The following RREB1 variants were observed in gnomAD, a reference collection of about 807,000 sequenced individuals.
RREB1 encodes ras-responsive element-binding protein 1.
In RREB1, 27 loss-of-function variants were observed where a neutral mutation model predicts 117.8. The observed-to-expected ratio is 0.23, with a 90% CI of 0.17 to 0.32. The LOEUF (loss-of-function observed/expected upper bound fraction) is 0.32, where lower values mean the gene tolerates loss of function less well. Among genes scored for constraint, RREB1 ranks in the 10% least tolerant of loss-of-function variants. RREB1 has a pLI of 1.00. For missense variants in RREB1, 2,577 were observed against 2,378.2 expected (o/e 1.08, Z -1.74); for synonymous variants, 1,298 against 1,026.7 (o/e 1.26, Z -5.05).
intron 6 of RREB1, among the ~76,000 whole-genome samples, chr6:7,191,010 G>C (rs1765373499): frequency 1.3e-5 from 2 of 152,190 alleles, no homozygotes; most frequent in African/African-American, 4.8e-5. Flanking sequence ...TCCTCCATGA[G>C]ACATCTCTTG....
Position 7,168,757 on chromosome 6 carries a change from A to G in RREB1, c.-284-7898A>G, listed in dbSNP as rs1035184399. On this transcript the variant is annotated intron_variant, in intron 1 of 12. Coordinates refer to ENST00000379938, the MANE Select transcript of RREB1 (RefSeq NM_001003699.4). Reference sequence around the variant, plus strand: ...GTTTTCCCCTTGACTTGGTTTCCCAATCCTCTAGCTTGCTAATGACCCTTC... The same window carrying G: ...GTTTTCCCCTTGACTTGGTTTCCCAGTCCTCTAGCTTGCTAATGACCCTTC... Among the ~76,000 whole-genome samples the G allele has an allele frequency of 2.4e-4, 37 of 152,094 alleles. 1 individual carries two copies. The highest frequency in any genetic ancestry group is 2.5e-4 in the Non-Finnish European group (17 of 68,022).
intron 1 of RREB1, among the ~76,000 whole-genome samples, chr6:7,133,816 A>T (rs1487899978): frequency 1.3e-5 from 2 of 152,216 alleles, no homozygotes; most frequent in Non-Finnish European, 2.9e-5. Context: ...CAAGTCAGAG[A>T]TAAATCATTG....
chr6:7,182,378 C>T (rs1303723813), intron 4 of RREB1, among the ~76,000 whole-genome samples: 1 of 152,180 alleles, frequency 6.6e-6, no homozygotes, highest in Non-Finnish European at 1.5e-5. Flanking sequence ...GGGAACATCA[C>T]TGATTTCTGT....
chr6:7,164,894 C>T (rs770632594), intron 1 of RREB1, among the ~76,000 whole-genome samples: 9 of 152,336 alleles, frequency 5.9e-5, no homozygotes, highest in South Asian at 2.1e-4. Flanking sequence ...GGTTAAAGGA[C>T]GCTATTAAAT....
Position 7,211,517 on chromosome 6 carries a change from C to T in RREB1, c.571-56C>T, listed in dbSNP as rs140841319. On this transcript the variant is annotated intron_variant, in intron 7 of 12. Transcript: ENST00000379938. ...CTGAATTTAGCATTGGCCTCTCTTCCGAAGCCATCCCATGTGGGAGACCTT... is the reference window on the plus strand; with the variant it reads ...CTGAATTTAGCATTGGCCTCTCTTCTGAAGCCATCCCATGTGGGAGACCTT... 576 of 1,549,778 alleles carry T rather than the reference C, an allele frequency of 3.7e-4. 3 individuals are homozygous for T. The highest frequency in any genetic ancestry group is 2.2e-3 in the Middle Eastern group (13 of 5,938).
chr6:7,153,797 G>A (rs897630928), intron 1 of RREB1, among the ~76,000 whole-genome samples: 9 of 152,192 alleles, frequency 5.9e-5, no homozygotes, highest in African/African-American at 1.2e-4. Context: ...ATAAAGTGCC[G>A]TTGCTTGTTG....
Position 7,246,499 on chromosome 6 carries a change from C to T in RREB1, c.4049C>T (p.Pro1350Leu), listed in dbSNP as rs748359571. The change falls in exon 12 of 13, where the codon CCG (proline) becomes CTG (leucine). Residue 1350 changes from proline (P) to leucine (L), a missense_variant. Physicochemically the swap from Pro to Leu is moderately conservative, Grantham distance 98. Transcript: ENST00000379938. ...CTCACCTCACGGGACAGAGAGCAGC[C>T]GTCGGAGGGCGCCACTGAGCTCCGC... is the stretch of plus-strand genomic sequence containing the variant. ...LDLTSRDREQPSEGATELRQV... is the reference protein window; with the variant it reads ...LDLTSRDREQLSEGATELRQV... 1.9e-6 allele frequency: 3 copies of T among 1,544,528 alleles called. No homozygotes were observed. In the Admixed American group the frequency reaches 5.9e-5, roughly 30 times the overall value.
Position 7,184,217 on chromosome 6 carries a change from G to A in RREB1, c.171+2135G>A, listed in dbSNP as rs1764951167. On this transcript the variant is annotated intron_variant, in intron 4 of 12. Transcript: ENST00000379938. ...AACAAAAACAGAATTCTCCAGGAGG[G>A]CCTCTCTTCCAGTATCACAGTGCTG... 2.0e-5 allele frequency among the ~76,000 whole-genome samples: 3 copies of A among 151,874 alleles called. No individual in the cohort carries two copies. In the South Asian group the frequency reaches 6.2e-4, roughly 32 times the overall value.
intron 11 of RREB1, among the ~76,000 whole-genome samples, chr6:7,245,019 G>A (rs947851103): frequency 1.3e-5 from 2 of 152,220 alleles, no homozygotes; most frequent in African/African-American, 4.8e-5. Context: ...GGCCTATTGA[G>A]GGAGGGGCAT....
At chr6:7,109,519 G>C (rs1242754837) in intron 1 of RREB1, among the ~76,000 whole-genome samples, 13 of 152,126 alleles carry the variant, frequency 8.5e-5, no homozygotes, top group Non-Finnish European at 1.9e-4. Context: ...TTCTCTCCGG[G>C]CGGGGCGGGG....
intron 11 of RREB1, among the ~76,000 whole-genome samples, chr6:7,244,732 AATG>A (rs1367206242): frequency 6.6e-6 from 1 of 152,220 alleles, no homozygotes; most frequent in African/African-American, 2.4e-5. Flanking sequence ...AATGAAATGA[AATG>A]ATGTAAGTAG....
chr6:7,126,293 C>G (rs1044782804), intron 1 of RREB1, among the ~76,000 whole-genome samples: 4 of 152,040 alleles, frequency 2.6e-5, no homozygotes, highest in African/African-American at 9.6e-5. Flanking sequence ...AGCCACTGCG[C>G]CCGGCCTCGA....
chr6:7,109,042 C>G (rs1384824146), intron 1 of RREB1, among the ~76,000 whole-genome samples: 1 of 150,714 alleles, frequency 6.6e-6, no homozygotes, highest in Non-Finnish European at 1.5e-5. Flanking sequence ...GTGGGGGGCT[C>G]GGCGCCGTCA....
chr6:7,141,879 A>G (rs1255970610), intron 1 of RREB1, among the ~76,000 whole-genome samples: 1 of 152,186 alleles, frequency 6.6e-6, no homozygotes, highest in Non-Finnish European at 1.5e-5. Flanking sequence ...AGAGGGCTGG[A>G]TAATTGCCTC....
intron 6 of RREB1, among the ~76,000 whole-genome samples, chr6:7,207,167 A>G (rs2113608630): frequency 6.6e-6 from 1 of 152,386 alleles, no homozygotes; most frequent in Non-Finnish European, 1.5e-5. Flanking sequence ...CAATGTATCC[A>G]TTGAAACATG....
intron 1 of RREB1, among the ~76,000 whole-genome samples, chr6:7,131,287 G>A (rs1762148379): frequency 6.6e-6 from 1 of 152,120 alleles, no homozygotes; most frequent in Non-Finnish European, 1.5e-5. Flanking sequence ...AATGCTTTCT[G>A]TGCATTATCT....
In RREB1 at chr6:7,249,081, G is replaced by C. The variant is rs1769290063; in HGVS notation, c.*113G>C. 2.6e-6 allele frequency: 2 copies of C among 760,032 alleles called. No homozygotes were observed. Among genetic ancestry groups the C allele is most frequent in the South Asian group, 2.0e-5 (1 of 50,178 alleles). The allele number at this position is 760,032 out of a possible 1,614,324, so 47.1% of individuals were successfully genotyped here. On this transcript the variant is annotated 3_prime_UTR_variant, in exon 13 of 13. Coordinates refer to ENST00000379938, the MANE Select transcript of RREB1 (RefSeq NM_001003699.4). ...GAGGAGTGAGAGAGAGAGAGAGAGA[G>C]AGAGAGAGAGAGAGAGAGAGAGACA...
At chr6:7,140,238 T>G (rs943307741) in intron 1 of RREB1, among the ~76,000 whole-genome samples, 2 of 151,510 alleles carry the variant, frequency 1.3e-5, no homozygotes, top group Non-Finnish European at 2.9e-5. Context: ...TAAAACATGG[T>G]TTTTTTTTCT....
intron 11 of RREB1, among the ~76,000 whole-genome samples, chr6:7,243,104 A>G (rs1023995336): frequency 6.6e-6 from 1 of 152,208 alleles, no homozygotes; most frequent in Non-Finnish European, 1.5e-5. Flanking sequence ...TTACCAGCCC[A>G]GAAGTCCCAC....
Sources: allele counts gnomAD v4.1 joint callset (sites outside exome capture counted in the v4.1 genomes callset), GRCh38; gene constraint gnomAD v4.1.1; transcripts MANE v1.5; gene names NCBI Gene and HGNC (gene_info 2026-07-23, HGNC 2026-07-21).